DDR2: variants seen among roughly 807,000 people sequenced by gnomAD.
DDR2 encodes discoidin domain-containing receptor 2.
A neutral mutation model predicts 94.9 loss-of-function variants in DDR2; 27 were observed. The observed-to-expected ratio is 0.28, with a 90% confidence interval of 0.21 to 0.39. The LOEUF is 0.39. Among genes scored for constraint, DDR2 ranks in the 10% least tolerant of loss-of-function variants. DDR2 has a pLI of 1.00. For missense variants in DDR2, 783 were observed against 1,076.0 expected (o/e 0.73, Z 3.81); for synonymous variants, 382 against 377.2 (o/e 1.01, Z -0.15).
intron 3 of DDR2, among the ~76,000 whole-genome samples, chr1:162,745,062 G>A (rs1662785587): frequency 6.6e-6 from 1 of 152,106 alleles, no homozygotes; most frequent in South Asian, 2.1e-4. Context: ...ATCTCATTAT[G>A]GTTTTAATTT....
chr1:162,698,234 A>T (rs989335681), intron 2 of DDR2, among the ~76,000 whole-genome samples: 24 of 152,184 alleles, frequency 1.6e-4, no homozygotes, highest in African/African-American at 5.5e-4. Context: ...GCTCTGTGGG[A>T]TACTGCGTCC....
At chr1:162,713,567 G>T (rs1417029336) in intron 2 of DDR2, among the ~76,000 whole-genome samples, 4 of 152,136 alleles carry the variant, frequency 2.6e-5, no homozygotes, top group African/African-American at 9.7e-5. Context: ...ATGTACATGA[G>T]TGTGTGTCTA....
chr1:162,773,630 T>C, intron 14 of DDR2, 34 bp downstream of exon 14: 1 of 1,612,114 alleles, frequency 6.2e-7, no homozygotes, highest in Non-Finnish European at 8.5e-7. Flanking sequence ...TTCCTTTAGG[T>C]ATTTCATCTT....
intron 3 of DDR2, among the ~76,000 whole-genome samples, chr1:162,743,421 G>A (rs1305884613): frequency 6.6e-6 from 1 of 152,092 alleles, no homozygotes; most frequent in Non-Finnish European, 1.5e-5. Context: ...ATGGGGCTTG[G>A]TACCTATTAG....
At chr1:162,668,017 TA>T (rs770838360) in intron 2 of DDR2, among the ~76,000 whole-genome samples, 4 of 151,822 alleles carry the variant, frequency 2.6e-5, no homozygotes, top group Non-Finnish European at 4.4e-5. Flanking sequence ...TAAAGTGAGG[TA>T]GGGGGAGTGG....
chr1:162,708,955 A>G (rs1660774863), intron 2 of DDR2, among the ~76,000 whole-genome samples: 2 of 152,226 alleles, frequency 1.3e-5, no homozygotes, highest in South Asian at 4.1e-4. Context: ...AAAACCAAAG[A>G]GAAATACAAA....
At chr1:162,648,766 G>A (rs1242642203) in intron 1 of DDR2, among the ~76,000 whole-genome samples, 1 of 152,174 alleles carries the variant, frequency 6.6e-6, no homozygotes, top group East Asian at 1.9e-4. Flanking sequence ...GACCACGAAT[G>A]GTGGCAAAGG....
chr1:162,748,612 C>A (rs966576016), intron 3 of DDR2, among the ~76,000 whole-genome samples: 46 of 152,190 alleles, frequency 3.0e-4, no homozygotes, highest in African/African-American at 1.1e-3. Context: ...AGAAAGTTAA[C>A]AAGGATATCC....
chr1:162,705,093 G>T (rs1158424782), intron 2 of DDR2: 1 of 152,316 alleles, frequency 6.6e-6, no homozygotes, highest in Admixed American at 6.5e-5. Context: ...CCTCATTTCT[G>T]TGGAGACCTT....
At position 162,755,224 on chromosome 1, in the gene DDR2, AT is replaced by A; in HGVS notation, c.489del (p.Phe163LeufsTer12). On this transcript the variant is annotated frameshift_variant, in exon 6 of 18. Transcript: ENST00000367921. LOFTEE classifies it high-confidence loss of function. ...KDLEPPIVAR[F>X]VRFIPVTDHS... ...ACTTGGAGCCGCCCATTGTAGCCAG[AT>A]TTGTCCGGTTCATTCCAGTCACCGA... 1 of 1,614,034 alleles carries A rather than the reference AT, an allele frequency of 6.2e-7. No individual in the cohort carries two copies. The highest frequency in any genetic ancestry group is 8.5e-7 in the Non-Finnish European group (1 of 1,180,000).
At chr1:162,683,344 TAAA>T (rs1659505610) in intron 2 of DDR2, among the ~76,000 whole-genome samples, 1 of 152,048 alleles carries the variant, frequency 6.6e-6, no homozygotes, top group South Asian at 2.1e-4. Flanking sequence ...GAAAAGAAAT[TAAA>T]GGCATACAGA....
intron 2 of DDR2, among the ~76,000 whole-genome samples, chr1:162,701,085 A>C (rs2101994973): frequency 6.6e-6 from 1 of 151,974 alleles, no homozygotes; most frequent in African/African-American, 2.4e-5. Context: ...AAAAAAAAAA[A>C]AGCAGCGGTA....
intron 5 of DDR2, 88 bp from the exon 6 acceptor site, chr1:162,755,066 AAG>A (rs1663392057): frequency 6.4e-7 from 1 of 1,572,212 alleles, no homozygotes; most frequent in South Asian, 1.1e-5. Context: ...TCGAATTAAG[AAG>A]AGAGAGTCCA....
intron 11 of DDR2, among the ~76,000 whole-genome samples, chr1:162,769,184 A>G (rs1389132722): frequency 2.0e-5 from 3 of 152,218 alleles, no homozygotes; most frequent in Non-Finnish European, 4.4e-5. Context: ...ATCTCCAGGT[A>G]AAAGGTAGAG....
At chr1:162,717,184 C>T (rs1342287008) in intron 2 of DDR2, among the ~76,000 whole-genome samples, 2 of 151,998 alleles carry the variant, frequency 1.3e-5, no homozygotes, top group African/African-American at 4.8e-5. Flanking sequence ...TACAGGCACC[C>T]ACCACCAAGC....
rs753631212 is a variant in DDR2, at chr1:162,776,151, G to A, written c.2064G>A (p.Lys688=). ...ATTTCCTCAGTTACACCAATCTGAAGTTTATGGCTACCCAAATTGCCTCTG... is the reference window on the plus strand; with the variant it reads ...ATTTCCTCAGTTACACCAATCTGAAATTTATGGCTACCCAAATTGCCTCTG... ...DVRTVSYTNL[K]FMATQIASGM... is the part of the protein sequence containing the mutation. The change falls in exon 16 of 18, where the codon AAG becomes AAA. Residue 688 remains lysine, a synonymous_variant. Transcript: ENST00000367921. 15 of 1,613,634 alleles carry A rather than the reference G, an allele frequency of 9.3e-6. No homozygotes were observed. The highest frequency in any genetic ancestry group is 8.0e-5 in the African/African-American group (6 of 74,840).
chr1:162,673,564 C>T (rs1045300332), intron 2 of DDR2, among the ~76,000 whole-genome samples: 9 of 148,862 alleles, frequency 6.0e-5, no homozygotes, highest in Non-Finnish European at 1.2e-4. Context: ...AGCTGATTAT[C>T]ATCTGTCATT....
rs967050481 is a variant in DDR2 at position 162,772,374 on chromosome 1, C to T, written c.1728+127C>T. 7.9e-6 allele frequency: 8 copies of T among 1,018,300 alleles called. No homozygotes were observed. The African/African-American group carries it at 1.3e-4, about 16-fold the overall frequency. 63.1% of individuals were successfully genotyped at this position (1,018,300 alleles called of 1,614,324 possible). ...TGTCTCTTCCATTTGTCTCTCCTTG[C>T]ATTGTCCTCTGGATTTCAGTATTGG... On this transcript the variant is annotated intron_variant, in intron 13 of 17. Coordinates refer to ENST00000367921, the MANE Select transcript of DDR2 (RefSeq NM_006182.4).
chr1:162,631,230 T>C (rs1158258252), upstream of DDR2: 1 of 150,756 alleles, frequency 6.6e-6, no homozygotes, highest in Non-Finnish European at 1.5e-5. Flanking sequence ...GTGTGTGCGC[T>C]TTTCCATTCC....
Sources: allele counts gnomAD v4.1 joint callset (sites outside exome capture counted in the v4.1 genomes callset), GRCh38; gene constraint gnomAD v4.1.1; transcripts MANE v1.5; gene names NCBI Gene and HGNC (gene_info 2026-07-23, HGNC 2026-07-21).